RTTN: variants seen among roughly 807,000 people sequenced by gnomAD.
RTTN encodes rotatin.
Under a neutral mutation model 269.2 loss-of-function variants are expected in RTTN, and 182 were observed. That is an observed-to-expected ratio of 0.68 (90% confidence interval 0.60 to 0.76). The LOEUF (loss-of-function observed/expected upper bound fraction) is 0.76, where lower values mean the gene tolerates loss of function less well. Among genes scored for constraint, RTTN ranks in the 30% least tolerant of loss-of-function variants. The pLI, the probability that RTTN is intolerant of heterozygous loss-of-function variation, is 0.00. For synonymous variants in RTTN, 1,006 were observed against 963.5 expected, an observed-to-expected ratio of 1.04 and a Z score of -0.82; for missense variants, 2,545 against 2,608.6, an observed-to-expected ratio of 0.98 and a Z score of 0.53.
At chr18:70,086,589 T>A in intron 32 of RTTN, 24 bp downstream of exon 32, 1 of 1,495,252 alleles carries the variant, frequency 6.7e-7, no homozygotes, top group Non-Finnish European at 9.2e-7. Context: ...TCTACTAGGT[T>A]GATAATTGTT....
chr18:70,098,488 C>T (rs2059063314), intron 28 of RTTN, among the ~76,000 whole-genome samples: 1 of 152,048 alleles, frequency 6.6e-6, no homozygotes, highest in Non-Finnish European at 1.5e-5. Context: ...ATTTTAAATG[C>T]ACTAGAGGAG....
Position 70,020,637 on chromosome 18 carries a change from T to C in RTTN, c.6131A>G (p.Asp2044Gly), listed in dbSNP as rs772220390. 1.9e-6 allele frequency: 3 copies of C among 1,613,998 alleles called. No individual in the cohort carries two copies. The highest frequency in any genetic ancestry group is 1.7e-6 in the Non-Finnish European group (2 of 1,179,876). ...MLLSNLALSH[D>G]CKGVIQKSNF... is the part of the protein sequence containing the mutation. ...TACCTTCTGAATTACTCCTTTACAG[T>C]CATGCGACAAGGCCAGGTTTGAAAG... Residue 2044 changes from aspartate (D) to glycine (G), a missense_variant, in exon 45 of 49, where the codon GAC becomes GGC. By Grantham distance (94) the Asp-to-Gly change is moderately conservative (BLOSUM62 -1). Coordinates refer to ENST00000640769, the MANE Select transcript of RTTN (RefSeq NM_173630.4).
chr18:70,166,600 T>G (rs1259996853), intron 13 of RTTN: 4 of 213,244 alleles, frequency 1.9e-5, no homozygotes, highest in Non-Finnish European at 2.7e-5. Flanking sequence ...CAGTTTAAGT[T>G]ATTAATTAAA....
At chr18:70,188,297 T>C (rs1361582922) in intron 9 of RTTN, 74 bp from the exon 10 acceptor site, 3 of 790,796 alleles carry the variant, frequency 3.8e-6, no homozygotes, top group African/African-American at 3.4e-5. Context: ...AATATCATAT[T>C]GCTCAATTTT....
At chr18:70,168,756 G>C in intron 12 of RTTN, 99 bp downstream of exon 12, 1 of 879,552 alleles carries the variant, frequency 1.1e-6, no homozygotes, top group Non-Finnish European at 1.8e-6. Context: ...TATCCCACCT[G>C]TGACAATTTA....
intron 46 of RTTN, among the ~76,000 whole-genome samples, chr18:70,013,089 C>G (rs895747512): frequency 6.6e-6 from 1 of 152,142 alleles, no homozygotes; most frequent in African/African-American, 2.4e-5. Flanking sequence ...ATCTGATGCC[C>G]TTTGGTTGTC....
At chr18:70,083,580 T>C (rs2058626084) in intron 32 of RTTN, among the ~76,000 whole-genome samples, 2 of 152,114 alleles carry the variant, frequency 1.3e-5, no homozygotes, top group Admixed American at 1.3e-4. Flanking sequence ...AAGATTAAAA[T>C]GGGAATTGCA....
rs751655602 is a variant in RTTN, at chr18:70,057,718, CACAA to C, written c.5031+20_5031+23del. The C allele has an allele frequency of 1.9e-6, 3 of 1,598,390 alleles. No individual in the cohort carries two copies. Among genetic ancestry groups the C allele is most frequent in the Admixed American group, 1.7e-5 (1 of 59,760 alleles). On this transcript the variant is annotated intron_variant, in intron 37 of 48. Coordinates refer to ENST00000640769, the MANE Select transcript of RTTN (RefSeq NM_173630.4). ...TTTTGACACCTAACGTAAACAAACCCACAAACAGACTTGAGATGCTTACCTGAGC... is the reference window on the plus strand; with the variant it reads ...TTTTGACACCTAACGTAAACAAACCCACAGACTTGAGATGCTTACCTGAGC...
chr18:70,047,169 G>A (rs2057514777), intron 40 of RTTN, among the ~76,000 whole-genome samples: 1 of 152,158 alleles, frequency 6.6e-6, no homozygotes, highest in South Asian at 2.1e-4. Flanking sequence ...TTTGCCAAAC[G>A]TGGCTGGCTG....
chr18:70,055,545 C>T (rs1311240929), intron 37 of RTTN, among the ~76,000 whole-genome samples: 1 of 152,116 alleles, frequency 6.6e-6, no homozygotes, highest in African/African-American at 2.4e-5. Context: ...CCAGGCTTCA[C>T]AAACTCTTCA....
intron 25 of RTTN, among the ~76,000 whole-genome samples, chr18:70,125,668 T>G (rs1832695928): frequency 6.6e-6 from 1 of 152,040 alleles, no homozygotes; most frequent in South Asian, 2.1e-4. Flanking sequence ...ACTAAGCTTA[T>G]AAAAATGTTC....
In RTTN at chr18:70,020,874, A is replaced by G. The variant is rs150783273; in HGVS notation, c.5951-57T>C. 3,197 of 1,451,564 alleles carry G rather than the reference A, an allele frequency of 2.2e-3. 40 individuals are homozygous for G. In the African/African-American group the frequency reaches 0.035, roughly 16 times the overall value. 89.9% of individuals were successfully genotyped at this position (1,451,564 alleles called of 1,614,324 possible). On this transcript the variant is annotated intron_variant, in intron 44 of 48. Coordinates refer to ENST00000640769, the MANE Select transcript of RTTN (RefSeq NM_173630.4). ...CTCAGTTTCCCTGTTTAGTTTTTGA[A>G]GACACTAAGTGGCAAAGCATATCTG...
intron 40 of RTTN, among the ~76,000 whole-genome samples, chr18:70,042,227 C>G (rs1337902793): frequency 6.6e-6 from 1 of 151,902 alleles, no homozygotes; most frequent in Non-Finnish European, 1.5e-5. Flanking sequence ...AAAGAATCCC[C>G]AAGAGAGCCC....
In RTTN at chr18:70,007,292, C is replaced by G. The variant is rs556016491; in HGVS notation, c.6422-808G>C. 7 of 153,588 alleles carry G rather than the reference C, an allele frequency of 4.6e-5. 1 individual carries two copies. Among genetic ancestry groups the G allele is most frequent in the African/African-American group, 1.7e-4 (7 of 41,476 alleles). The allele number at this position is 153,588 out of a possible 1,614,324, so 9.5% of individuals were successfully genotyped here. On this transcript the variant is annotated intron_variant, in intron 46 of 48. Coordinates refer to ENST00000640769, the MANE Select transcript of RTTN (RefSeq NM_173630.4). ...ACCAGGAGATTCCCTTGGGTGCCTACACCACCAGGGCCCAGGGTTTCAAGC... is the reference window on the plus strand; with the variant it reads ...ACCAGGAGATTCCCTTGGGTGCCTAGACCACCAGGGCCCAGGGTTTCAAGC...
At chr18:70,096,045 T>C (rs2058995135) in intron 28 of RTTN, among the ~76,000 whole-genome samples, 2 of 152,070 alleles carry the variant, frequency 1.3e-5, no homozygotes, top group Admixed American at 1.3e-4. Flanking sequence ...TTTCATTAAG[T>C]TGATCTTCAA....
intron 26 of RTTN, among the ~76,000 whole-genome samples, chr18:70,116,811 C>T (rs2059612556): frequency 6.6e-6 from 1 of 151,948 alleles, no homozygotes; most frequent in African/African-American, 2.4e-5. Flanking sequence ...CACATTGAGC[C>T]CGTTACGGGA....
At chr18:70,016,370 T>C (rs894186605) in intron 46 of RTTN, among the ~76,000 whole-genome samples, 3 of 152,200 alleles carry the variant, frequency 2.0e-5, no homozygotes, top group Admixed American at 6.5e-5. Flanking sequence ...AGGCACTTTA[T>C]GTGTGTTTAT....
Position 70,169,035 on chromosome 18 carries a change from T to C in RTTN, c.1509A>G (p.Thr503=). The C allele has an allele frequency of 6.2e-7, 1 of 1,611,392 alleles. No homozygotes were observed. Among genetic ancestry groups the C allele is most frequent in the South Asian group, 1.1e-5 (1 of 90,262 alleles). The part of the protein sequence containing the change: ...ASEFLSEPMS[T]ALFLLSLDMP... ...TGTCCAAAGAAAGGAGAAATAATGC[T>C]GTTGACATAGGCTCTGATAAAAACT... is the stretch of plus-strand genomic sequence containing the variant. Residue 503 remains threonine (T), a synonymous_variant, in exon 12 of 49, where the codon ACA becomes ACG. Coordinates refer to ENST00000640769, the MANE Select transcript of RTTN (RefSeq NM_173630.4).
chr18:70,109,838 A>T (rs983721499), intron 27 of RTTN, 121 bp from the exon 28 acceptor site: 1 of 697,598 alleles, frequency 1.4e-6, no homozygotes, highest in African/African-American at 1.8e-5. Context: ...AACCAGACAA[A>T]ATGGCAGAAA....
Sources: allele counts gnomAD v4.1 joint callset (sites outside exome capture counted in the v4.1 genomes callset), GRCh38; gene constraint gnomAD v4.1.1; transcripts MANE v1.5; gene names NCBI Gene and HGNC (gene_info 2026-07-23, HGNC 2026-07-21).